The following MSRA variants were observed in gnomAD, a reference collection of about 807,000 sequenced individuals.
The protein encoded by MSRA is methionine sulfoxide reductase A.
A neutral mutation model predicts 31.3 loss-of-function variants in MSRA; 54 were observed. The ratio of observed to expected loss-of-function variants is 1.73; its 90% CI spans 1.39 to 2.17. MSRA has a LOEUF of 2.17. Ranked by LOEUF, MSRA falls within the 30% of genes most tolerant of loss-of-function variation. The probability of loss-of-function intolerance (pLI) is 0.00; values close to 1 mark genes in which losing one functional copy is unlikely to be tolerated. For missense variants in MSRA, 507 were observed against 300.9 expected, an observed-to-expected ratio of 1.69 and a Z score of -5.07; for synonymous variants, 169 against 116.5, an observed-to-expected ratio of 1.45 and a Z score of -2.90.
chr8:10,180,386 C>G (rs3921850), intron 1 of MSRA, among the ~76,000 whole-genome samples: 1 of 152,316 alleles, frequency 6.6e-6, no homozygotes, highest in Non-Finnish European at 1.5e-5. Context: ...GTTTACCAAC[C>G]TGGAAGCTCT....
chr8:10,378,635 C>T (rs73662823), intron 5 of MSRA, among the ~76,000 whole-genome samples: 198 of 152,310 alleles, frequency 1.3e-3, no homozygotes, highest in African/African-American at 4.4e-3. Flanking sequence ...AGCAGCTCCG[C>T]GTCCCTTCTT....
At chr8:10,145,735 A>G (rs1016101375) in intron 1 of MSRA, among the ~76,000 whole-genome samples, 9 of 152,328 alleles carry the variant, frequency 5.9e-5, no homozygotes, top group Admixed American at 1.3e-4. Context: ...ATAATTATAC[A>G]TGGCTTATTG....
chr8:10,213,086 A>G (rs1809652212), intron 2 of MSRA, among the ~76,000 whole-genome samples: 1 of 152,314 alleles, frequency 6.6e-6, no homozygotes, highest in South Asian at 2.1e-4. Flanking sequence ...TTAAATTACT[A>G]CTAACTATAG....
intron 5 of MSRA, among the ~76,000 whole-genome samples, chr8:10,413,718 T>C (rs1414704557): frequency 6.9e-6 from 1 of 144,980 alleles, no homozygotes; most frequent in Non-Finnish European, 1.5e-5. Context: ...TTTTAAAAAA[T>C]CGCCAGAAGG....
intron 1 of MSRA, among the ~76,000 whole-genome samples, chr8:10,119,105 C>T (rs1211888387): frequency 6.6e-6 from 1 of 152,196 alleles, no homozygotes; most frequent in South Asian, 2.1e-4. Context: ...TGTATATCTG[C>T]ATAGACTTTT....
At chr8:10,364,584 C>G (rs1193002828) in intron 5 of MSRA, among the ~76,000 whole-genome samples, 1 of 152,172 alleles carries the variant, frequency 6.6e-6, no homozygotes, top group African/African-American at 2.4e-5. Context: ...AGTTCCTGTT[C>G]TAATGAGTTG....
chr8:10,318,704 T>A (rs1801866550), intron 4 of MSRA, among the ~76,000 whole-genome samples: 1 of 152,164 alleles, frequency 6.6e-6, no homozygotes, highest in African/African-American at 2.4e-5. Context: ...ACTTCTTGTA[T>A]TCCTAGCCGT....
intron 1 of MSRA, among the ~76,000 whole-genome samples, chr8:10,123,806 T>C (rs1801297446): frequency 6.6e-6 from 1 of 152,118 alleles, no homozygotes. Flanking sequence ...CAGATTGTTG[T>C]AGGTGTGCAA....
intron 1 of MSRA, among the ~76,000 whole-genome samples, chr8:10,133,240 A>G (rs1051837643): frequency 2.0e-5 from 3 of 152,200 alleles, no homozygotes; most frequent in East Asian, 1.9e-4. Flanking sequence ...TTGGTTGAAC[A>G]TTAGTTACAC....
At chr8:10,268,703 C>G (rs934652473) in intron 3 of MSRA, among the ~76,000 whole-genome samples, 2 of 152,244 alleles carry the variant, frequency 1.3e-5, no homozygotes, top group African/African-American at 4.8e-5. Context: ...CTTTCCCCAT[C>G]ATGGGATTTG....
Position 10,398,722 on chromosome 8 carries a change from G to T in MSRA, c.544-29426G>T, listed in dbSNP as rs543237620. ...TGAAAGTCCAGCGGTCTGCCAGCTG[G>T]AACTGGGAGGTTGGGGATTTGTTTC... On this transcript the variant is annotated intron_variant, in intron 5 of 5. Coordinates refer to ENST00000317173, the MANE Select transcript of MSRA (RefSeq NM_012331.5). Among the ~76,000 whole-genome samples the T allele has an allele frequency of 5.1e-4, 78 of 152,332 alleles. 1 individual carries two copies. Among genetic ancestry groups the T allele is most frequent in the Non-Finnish European group, 1.0e-3 (71 of 68,034 alleles).
chr8:10,093,054 T>C (rs1042371103), intron 1 of MSRA, among the ~76,000 whole-genome samples: 11 of 152,204 alleles, frequency 7.2e-5, no homozygotes, highest in African/African-American at 2.4e-4. Flanking sequence ...ATAGTTTTAC[T>C]TTGAACCTTT....
chr8:10,347,358 C>T (rs1246941919), intron 5 of MSRA, among the ~76,000 whole-genome samples: 1 of 152,212 alleles, frequency 6.6e-6, no homozygotes, highest in Non-Finnish European at 1.5e-5. Context: ...ACTTGCATCT[C>T]AAAATTATCA....
chr8:10,345,925 A>G (rs1803743626), intron 5 of MSRA, among the ~76,000 whole-genome samples: 1 of 152,186 alleles, frequency 6.6e-6, no homozygotes, highest in Non-Finnish European at 1.5e-5. Flanking sequence ...ATTTAGTTTA[A>G]TCTCCTGGCA....
chr8:10,068,528 G>A (rs1797573020), intron 1 of MSRA, among the ~76,000 whole-genome samples: 1 of 152,156 alleles, frequency 6.6e-6, no homozygotes, highest in Admixed American at 6.5e-5. Context: ...TTGCCTGTGG[G>A]TGTCCAGTTG....
At chr8:10,353,119 G>T (rs1212380728) in intron 5 of MSRA, among the ~76,000 whole-genome samples, 1 of 152,176 alleles carries the variant, frequency 6.6e-6, no homozygotes, top group African/African-American at 2.4e-5. Context: ...CTGAGCCACA[G>T]ACAGGCGTGT....
At chr8:10,392,974 A>G (rs967659901) in intron 5 of MSRA, among the ~76,000 whole-genome samples, 4 of 146,416 alleles carry the variant, frequency 2.7e-5, no homozygotes, top group Non-Finnish European at 6.0e-5. Context: ...AGGCAGGAGA[A>G]TGGCATGAAC....
At chr8:10,200,071 G>A (rs1245253204) in intron 1 of MSRA, among the ~76,000 whole-genome samples, 3 of 150,044 alleles carry the variant, frequency 2.0e-5, no homozygotes, top group South Asian at 4.2e-4. Flanking sequence ...AGAAAGAGCT[G>A]GGAGGTATGG....
At chr8:10,376,927 C>T (rs1805788092) in intron 5 of MSRA, among the ~76,000 whole-genome samples, 1 of 152,088 alleles carries the variant, frequency 6.6e-6, no homozygotes, top group Admixed American at 6.5e-5. Context: ...TTGTGTGAAC[C>T]CTGTTTTAAA....
Sources: gnomAD v4.1 joint callset for allele counts (sites outside exome capture counted in the v4.1 genomes callset) on GRCh38, gnomAD v4.1.1 for gene constraint, MANE v1.5 for transcripts, NCBI Gene and HGNC (gene_info 2026-07-23, HGNC 2026-07-21) for gene names.